Variants in CHST4 observed in about 807,000 individuals in gnomAD.
The protein encoded by CHST4 is carbohydrate sulfotransferase 4.
For synonymous variants in CHST4, 171 were observed against 195.5 expected, an observed-to-expected ratio of 0.87 and a Z score of 1.05; for missense variants, 466 against 506.0, an observed-to-expected ratio of 0.92 and a Z score of 0.76.
In CHST4 at chr16:71,536,909, G is replaced by T; in HGVS notation, c.232G>T (p.Val78Leu). Reference protein sequence around the residue: ...VFYLMEPAWHVWMTFKQSTAW... With the variant: ...VFYLMEPAWHLWMTFKQSTAW... Reference sequence around the variant, plus strand: ...CTACCTGATGGAGCCCGCCTGGCACGTGTGGATGACCTTCAAGCAGAGCAC... The same window carrying T: ...CTACCTGATGGAGCCCGCCTGGCACTTGTGGATGACCTTCAAGCAGAGCAC... Residue 78 changes from valine (V) to leucine (L), a missense_variant, in exon 2 of 2, where the codon GTG becomes TTG. Transcript: ENST00000539698. The T allele has an allele frequency of 6.2e-7, 1 of 1,604,134 alleles. No individual in the cohort carries two copies.
chr16:71,537,147 G>C lies in CHST4; in HGVS notation c.470G>C (p.Ser157Thr). ...CGGGCTCACTGCAGGCTCCTGTGCA[G>C]TCAACAGCCCTTTGAGGTGGTGGAG... ...IPRAHCRLLC[S>T]QQPFEVVEKA... The change falls in exon 2 of 2, where the codon AGT (serine) becomes ACT (threonine). Residue 157 changes from serine to threonine, a missense_variant. Transcript: ENST00000539698. This position sits in a 1 kb window ranked among gnomAD's most constrained non-coding sequence, Gnocchi z 4.2. 1 of 1,614,160 alleles carries C rather than the reference G, an allele frequency of 6.2e-7. No homozygotes were observed.
rs2044010719 is a variant in CHST4, at chr16:71,538,467, T to C, written c.*629T>C. 1 of 167,164 alleles carries C rather than the reference T, an allele frequency of 6.0e-6. No individual in the cohort carries two copies. Among genetic ancestry groups the C allele is most frequent in the Admixed American group, 6.5e-5 (1 of 15,290 alleles). 10.4% of individuals were successfully genotyped at this position (167,164 alleles called of 1,614,324 possible). On this transcript the variant is annotated 3_prime_UTR_variant, in exon 2 of 2. Coordinates refer to ENST00000539698, the MANE Select transcript of CHST4 (RefSeq NM_001166395.2). Reference sequence around the variant, plus strand: ...GCATTTTCCCATCACATAGAAGACTTTGACCTGTGAAGCTGCCATCTGTTA... The same window carrying C: ...GCATTTTCCCATCACATAGAAGACTCTGACCTGTGAAGCTGCCATCTGTTA...
In CHST4 at chr16:71,536,801, C is replaced by T. The variant is rs140047105; in HGVS notation, c.124C>T (p.Arg42Cys). The change falls in exon 2 of 2, where the codon CGC becomes TGC. Residue 42 changes from arginine to cysteine, a missense_variant. By Grantham distance (180) the Arg-to-Cys change is radical. Transcript: ENST00000539698. ...CCTGTCTATGAAGGCACAGCCCGAG[C>T]GCATGCACGTGCTGGTTCTGTCTTC... is the stretch of plus-strand genomic sequence containing the variant. ...SSLSMKAQPE[R>C]MHVLVLSSWR... 137 of 1,528,276 alleles carry T rather than the reference C, an allele frequency of 9.0e-5. No individual in the cohort carries two copies. The highest frequency in any genetic ancestry group is 3.5e-4 in the Middle Eastern group (2 of 5,640). 94.7% of individuals were successfully genotyped at this position (1,528,276 alleles called of 1,614,324 possible).
intron 1 of CHST4, among the ~76,000 whole-genome samples, chr16:71,528,454 T>A (rs1390881079): frequency 1.3e-5 from 2 of 152,142 alleles, no homozygotes; most frequent in Admixed American, 1.3e-4. Context: ...CTATGTGCCA[T>A]GCACTGTCCT....
In CHST4 at chr16:71,536,849, G is replaced by C; in HGVS notation, c.172G>C (p.Val58Leu). 1.3e-6 allele frequency: 2 copies of C among 1,548,320 alleles called. No individual in the cohort carries two copies. Among genetic ancestry groups the C allele is most frequent in the Non-Finnish European group, 1.7e-6 (2 of 1,147,804 alleles). The change falls in exon 2 of 2, where the codon GTG (valine) becomes CTG (leucine). Residue 58 changes from valine (V) to leucine (L), a missense_variant. Physicochemically the swap from Val to Leu is conservative, Grantham distance 32. Coordinates refer to ENST00000539698, the MANE Select transcript of CHST4 (RefSeq NM_001166395.2). ...LSSWRSGSSF[V>L]GQLFGQHPDV... ...TTCCTGGCGCTCTGGCTCTTCTTTT[G>C]TGGGGCAGCTTTTTGGGCAGCACCC...
rs533559124 is a variant in CHST4 at position 71,527,323 on chromosome 16, C to T, written c.-19+828C>T. Among the ~76,000 whole-genome samples, 73 of 152,160 alleles carry T rather than the reference C, an allele frequency of 4.8e-4. 3 individuals are homozygous for T. The South Asian group carries it at 0.014, about 29-fold the overall frequency. Reference sequence around the variant, plus strand: ...CATATTTGAAGAGATTTATTCTGAGCCAAATATGAGTGACCATGGCCGGTG... The same window carrying T: ...CATATTTGAAGAGATTTATTCTGAGTCAAATATGAGTGACCATGGCCGGTG... On this transcript the variant is annotated intron_variant, in intron 1 of 1. Transcript: ENST00000539698.
chr16:71,528,698 G>T (rs2043925241), intron 1 of CHST4, among the ~76,000 whole-genome samples: 1 of 152,194 alleles, frequency 6.6e-6, no homozygotes, highest in African/African-American at 2.4e-5. Flanking sequence ...TAATCTCATG[G>T]GAAGTGTAAG....
At position 71,537,405 on chromosome 16, in the gene CHST4, A is replaced by G; in HGVS notation, c.728A>G (p.Tyr243Cys). Residue 243 changes from tyrosine (Y) to cysteine (C), a missense_variant, in exon 2 of 2, where the codon TAC becomes TGC. Transcript: ENST00000539698. This position sits in a 1 kb window ranked among gnomAD's most constrained non-coding sequence, Gnocchi z 4.2. ...EQKLKKEDQP[Y>C]YVMQVICQSQ... ...AAACTCAAGAAGGAGGACCAACCCT[A>G]CTATGTGATGCAGGTCATCTGCCAA... 6.2e-7 allele frequency: 1 copy of G among 1,614,130 alleles called. No individual in the cohort carries two copies. The highest frequency in any genetic ancestry group is 8.5e-7 in the Non-Finnish European group (1 of 1,180,032).
chr16:71,534,363 T>TG (rs1487320512), intron 1 of CHST4, among the ~76,000 whole-genome samples: 1 of 149,898 alleles, frequency 6.7e-6, no homozygotes, highest in African/African-American at 2.5e-5. Context: ...TTTTTTTTTT[T>TG]TTTTCTTTTT....
intron 1 of CHST4, among the ~76,000 whole-genome samples, chr16:71,528,365 T>A (rs1413826152): frequency 6.6e-6 from 1 of 151,690 alleles, no homozygotes; most frequent in Non-Finnish European, 1.5e-5. Flanking sequence ...CCTTTCTGGG[T>A]CTCATATAGT....
intron 1 of CHST4, among the ~76,000 whole-genome samples, chr16:71,531,144 A>T (rs1021036207): frequency 6.6e-6 from 1 of 152,162 alleles, no homozygotes; most frequent in African/African-American, 2.4e-5. Flanking sequence ...GAGACAGAAG[A>T]GAAAGGTCGA....
chr16:71,537,677 T>G lies in CHST4; in HGVS notation c.1000T>G (p.Trp334Gly). 1.2e-6 allele frequency: 2 copies of G among 1,614,222 alleles called. No homozygotes were observed. Among genetic ancestry groups the G allele is most frequent in the Non-Finnish European group, 1.7e-6 (2 of 1,180,038 alleles). Residue 334 changes from tryptophan (W) to glycine (G), a missense_variant, in exon 2 of 2, where the codon TGG becomes GGG. Physicochemically the swap from Trp to Gly is radical, Grantham distance 184. Coordinates refer to ENST00000539698, the MANE Select transcript of CHST4 (RefSeq NM_001166395.2). The surrounding 1 kb of genome is among the most constrained non-coding windows in gnomAD (Gnocchi z 4.2). ...GGATGCCCTTAATGTCTCCCAGGCTTGGCGCTGGTCTTTGCCCTATGAAAA... is the reference window on the plus strand; with the variant it reads ...GGATGCCCTTAATGTCTCCCAGGCTGGGCGCTGGTCTTTGCCCTATGAAAA... The part of the protein sequence containing the change: ...ARDALNVSQA[W>G]RWSLPYEKVS...
chr16:71,537,820 C>G lies in CHST4; in HGVS notation c.1143C>G (p.Val381=). 1 of 1,611,652 alleles carries G rather than the reference C, an allele frequency of 6.2e-7. No individual in the cohort carries two copies. The highest frequency in any genetic ancestry group is 1.1e-5 in the South Asian group (1 of 90,744). ...LLLDLLSTWT[V]PEQIH ...TGGATCTTCTGTCTACCTGGACTGT[C>G]CCTGAGCAAATCCACTAAGAGGGTT... Residue 381 remains valine, a synonymous_variant, in exon 2 of 2, where the codon GTC becomes GTG. Coordinates refer to ENST00000539698, the MANE Select transcript of CHST4 (RefSeq NM_001166395.2). The surrounding 1 kb of genome is among the most constrained non-coding windows in gnomAD (Gnocchi z 4.2).
At chr16:71,531,088 T>C (rs1049239070) in intron 1 of CHST4, among the ~76,000 whole-genome samples, 1 of 151,756 alleles carries the variant, frequency 6.6e-6, no homozygotes, top group Non-Finnish European at 1.5e-5. Flanking sequence ...TTAAAAAAAA[T>C]GAAAAAGGTA....
chr16:71,531,429 G>A (rs1013195979), intron 1 of CHST4, among the ~76,000 whole-genome samples: 15 of 152,196 alleles, frequency 9.9e-5, no homozygotes, highest in African/African-American at 3.6e-4. Flanking sequence ...AGTGACAAGG[G>A]ATGGGACTTG....
intron 1 of CHST4, among the ~76,000 whole-genome samples, chr16:71,531,013 A>C (rs925840037): frequency 2.6e-5 from 4 of 152,146 alleles, no homozygotes; most frequent in Non-Finnish European, 1.5e-5. Flanking sequence ...CCCAGGAGGC[A>C]GAAGTTGCAG....
In CHST4 at chr16:71,536,690, A is replaced by G. The variant is rs200919282; in HGVS notation, c.13A>G (p.Lys5Glu). 1.3e-6 allele frequency: 2 copies of G among 1,489,608 alleles called. No individual in the cohort carries two copies. The highest frequency in any genetic ancestry group is 1.8e-6 in the Non-Finnish European group (2 of 1,121,420). 92.3% of individuals were successfully genotyped at this position (1,489,608 alleles called of 1,614,324 possible). Residue 5 changes from lysine to glutamate, a missense_variant, in exon 2 of 2, where the codon AAA (lysine) becomes GAA (glutamate). By Grantham distance (56) the Lys-to-Glu change is moderately conservative. Coordinates refer to ENST00000539698, the MANE Select transcript of CHST4 (RefSeq NM_001166395.2). MLLP[K>E]KMKLLLFLVS... ...CCACTTCAGCACAATGCTACTGCCT[A>G]AAAAAATGAAGCTCCTGCTGTTTCT...
At chr16:71,533,024 A>AT (rs1021633470) in intron 1 of CHST4, among the ~76,000 whole-genome samples, 3 of 151,806 alleles carry the variant, frequency 2.0e-5, no homozygotes, top group African/African-American at 2.4e-5. Flanking sequence ...ATAACTTGAA[A>AT]TTTTTTTTTG....
rs2044006807 is a variant in CHST4 at position 71,538,053 on chromosome 16, C to T, written c.*215C>T. 5.1e-6 allele frequency: 3 copies of T among 588,812 alleles called. No homozygotes were observed. The highest frequency in any genetic ancestry group is 9.2e-6 in the Non-Finnish European group (3 of 325,706). 36.5% of individuals were successfully genotyped at this position (588,812 alleles called of 1,614,324 possible). On this transcript the variant is annotated 3_prime_UTR_variant, in exon 2 of 2. Transcript: ENST00000539698. ...GGGAACCTTATGTGAGCAGCACATCCCACCAGTGAAACAGGGTATTGCTCT... is the reference window on the plus strand; with the variant it reads ...GGGAACCTTATGTGAGCAGCACATCTCACCAGTGAAACAGGGTATTGCTCT...
Sources: gnomAD v4.1 joint callset for allele counts (sites outside exome capture counted in the v4.1 genomes callset) on GRCh38, gnomAD v4.1.1 for gene constraint, Gnocchi (gnomAD v3.1) non-coding constraint, MANE v1.5 for transcripts, NCBI Gene and HGNC (gene_info 2026-07-23, HGNC 2026-07-21) for gene names.